TIMP2: variants seen among roughly 807,000 people sequenced by gnomAD.
TIMP2 encodes TIMP metallopeptidase inhibitor 2.
Under a neutral mutation model 24.3 loss-of-function variants are expected in TIMP2, and 5 were observed. That is an observed-to-expected ratio of 0.21 (90% confidence interval 0.11 to 0.43). TIMP2 has a LOEUF of 0.43. TIMP2 is among the 20% of genes least tolerant of loss of function. TIMP2 has a pLI of 1.00. For missense variants in TIMP2, 221 were observed against 297.5 expected (o/e 0.74, Z 1.89); for synonymous variants, 130 against 123.2 (o/e 1.06, Z -0.37).
Position 78,891,356 on chromosome 17 carries a change from T to C in TIMP2, c.131-17437A>G. ...TCTTGGGGTCCCAGCGCCACACTCT[T>C]GCATCTCTGAGAAGGCATGCCCTTC... On this transcript the variant is annotated intron_variant, in intron 1 of 4. Coordinates refer to ENST00000262768, the MANE Select transcript of TIMP2 (RefSeq NM_003255.5). This position sits in a 1 kb window ranked among gnomAD's most constrained non-coding sequence, Gnocchi z 4.5. 6.4e-7 allele frequency: 1 copy of C among 1,550,544 alleles called. No individual in the cohort carries two copies. Among genetic ancestry groups the C allele is most frequent in the Non-Finnish European group, 8.7e-7 (1 of 1,146,992 alleles).
At chr17:78,856,225 G>A in intron 4 of TIMP2, 1 of 275,216 alleles carries the variant, frequency 3.6e-6, no homozygotes, top group South Asian at 5.6e-5. Flanking sequence ...CCAGCCCAGT[G>A]TTGCTCGCAA....
intron 1 of TIMP2, among the ~76,000 whole-genome samples, chr17:78,917,908 G>A (rs965419302): frequency 5.9e-5 from 9 of 152,162 alleles, no homozygotes; most frequent in Admixed American, 1.3e-4. Context: ...GCTCAGCTCC[G>A]AGACTAGGCA....
intron 1 of TIMP2, among the ~76,000 whole-genome samples, chr17:78,923,910 C>A (rs570459697): frequency 1.3e-5 from 2 of 152,292 alleles, no homozygotes; most frequent in East Asian, 3.9e-4. Context: ...GGGCCCCCGC[C>A]TTGCTCCATC....
At chr17:78,919,443 G>A (rs933291042) in intron 1 of TIMP2, among the ~76,000 whole-genome samples, 2 of 152,140 alleles carry the variant, frequency 1.3e-5, no homozygotes, top group African/African-American at 4.8e-5. Context: ...CCCTGCTGCC[G>A]CTAAATGACC....
chr17:78,875,738 A>T (rs1023999358), intron 1 of TIMP2, among the ~76,000 whole-genome samples: 8 of 151,840 alleles, frequency 5.3e-5, no homozygotes, highest in African/African-American at 1.9e-4. Context: ...GCCCCACCCC[A>T]CGTGGTCGGC....
At chr17:78,889,123 T>C (rs2069854794) in intron 1 of TIMP2, among the ~76,000 whole-genome samples, 1 of 152,208 alleles carries the variant, frequency 6.6e-6, no homozygotes, top group Non-Finnish European at 1.5e-5. Flanking sequence ...GCAGCTGCAG[T>C]AGAGCTGGGT....
chr17:78,881,345 A>T (rs1567996557), intron 1 of TIMP2, among the ~76,000 whole-genome samples: 1 of 152,232 alleles, frequency 6.6e-6, no homozygotes, highest in Non-Finnish European at 1.5e-5. Context: ...TGTTCTCAAC[A>T]TGGGTCATTC....
At chr17:78,859,527 G>A (rs1223455780) in intron 3 of TIMP2, among the ~76,000 whole-genome samples, 1 of 152,046 alleles carries the variant, frequency 6.6e-6, no homozygotes, top group African/African-American at 2.4e-5. Flanking sequence ...GCCAGGCGTG[G>A]TGATGCATGC....
At chr17:78,892,044 C>G (rs535553743) in intron 1 of TIMP2, 66 of 1,550,824 alleles carry the variant, frequency 4.3e-5, no homozygotes, top group Admixed American at 9.8e-5. Context: ...TGGATGGGCC[C>G]CTGCGAGTCA....
chr17:78,857,739 G>T lies in TIMP2; in HGVS notation c.341-93C>A, dbSNP rs7216727. ...CCCGGCGCAGGGGCGCTGGGATTTCGTTGCAACAATCCTGTGCACTGTCTA... is the reference window on the plus strand; with the variant it reads ...CCCGGCGCAGGGGCGCTGGGATTTCTTTGCAACAATCCTGTGCACTGTCTA... On this transcript the variant is annotated intron_variant, in intron 3 of 4. Coordinates refer to ENST00000262768, the MANE Select transcript of TIMP2 (RefSeq NM_003255.5). 5 of 1,539,196 alleles carry T rather than the reference G, an allele frequency of 3.2e-6. No individual in the cohort carries two copies. In the African/African-American group the frequency reaches 5.5e-5, roughly 17 times the overall value.
rs2069533585 is a variant in TIMP2, at chr17:78,857,545, A to T, written c.442T>A (p.Tyr148Asn). 6 of 1,613,900 alleles carry T rather than the reference A, an allele frequency of 3.7e-6. No individual in the cohort carries two copies. Among genetic ancestry groups the T allele is most frequent in the Non-Finnish European group, 5.1e-6 (6 of 1,179,976 alleles). ...ACCTTGCACTCGCAGCCCATCTGGT[A>T]CCTGTGGTTCAGGCTCTTCTTCTGG... The part of the protein sequence containing the change: ...TTQKKSLNHR[Y>N]QMGCECKITR... Residue 148 changes from tyrosine (Y) to asparagine (N), a missense_variant, in exon 4 of 5, where the codon TAC (tyrosine) becomes AAC (asparagine). Physicochemically the swap from Tyr to Asn is moderately radical, Grantham distance 143 (BLOSUM62 -2). Transcript: ENST00000262768.
At position 78,920,364 on chromosome 17, in the gene TIMP2, G is replaced by A. The variant is rs145800333; in HGVS notation, c.130+4595C>T. Among the ~76,000 whole-genome samples the A allele has an allele frequency of 2.5e-3, 381 of 152,330 alleles. 1 individual carries two copies. Among genetic ancestry groups the A allele is most frequent in the Middle Eastern group, 0.01 (3 of 294 alleles). ...TACGTGGCTCTGCACCCCCAGAAGG[G>A]TGCAAATAGGGGAGGCCCGAGAGGC... On this transcript the variant is annotated intron_variant, in intron 1 of 4. Transcript: ENST00000262768. This position sits in a 1 kb window ranked among gnomAD's most constrained non-coding sequence, Gnocchi z 4.5.
At chr17:78,877,354 G>A (rs573821184) in intron 1 of TIMP2, among the ~76,000 whole-genome samples, 5 of 152,268 alleles carry the variant, frequency 3.3e-5, no homozygotes, top group South Asian at 4.1e-4. Context: ...CGAGGCGGGC[G>A]GATCACTTGA....
At chr17:78,890,065 G>A (rs879523498) in intron 1 of TIMP2, among the ~76,000 whole-genome samples, 2 of 152,050 alleles carry the variant, frequency 1.3e-5, no homozygotes, top group Non-Finnish European at 2.9e-5. Context: ...GTACTGAGTC[G>A]AGACTGCACC....
intron 1 of TIMP2, among the ~76,000 whole-genome samples, chr17:78,874,628 A>G (rs1199786965): frequency 6.6e-6 from 1 of 152,100 alleles, no homozygotes; most frequent in Non-Finnish European, 1.5e-5. Flanking sequence ...CCCAGGCTGG[A>G]GTGCAGTGGC....
chr17:78,871,055 T>A, intron 2 of TIMP2, 49 bp from the exon 3 acceptor site: 1 of 1,520,548 alleles, frequency 6.6e-7, no homozygotes, highest in Non-Finnish European at 9.1e-7. Context: ...GCCACACAGT[T>A]GGTGAATTCC....
rs2069895138 is a variant in TIMP2, at chr17:78,891,559, A to C, written c.131-17640T>G. 6.4e-7 allele frequency: 1 copy of C among 1,550,764 alleles called. No individual in the cohort carries two copies. Among genetic ancestry groups the C allele is most frequent in the Non-Finnish European group, 8.7e-7 (1 of 1,147,058 alleles). ...ACACGGCTTCCCTTCTGCAGCTGGA[A>C]TCAGCTGGCCACAGCTGCCCGAGGT... On this transcript the variant is annotated intron_variant, in intron 1 of 4. Transcript: ENST00000262768. The surrounding 1 kb of genome is among the most constrained non-coding windows in gnomAD (Gnocchi z 4.5).
intron 1 of TIMP2, among the ~76,000 whole-genome samples, chr17:78,881,860 C>T (rs369975472): frequency 6.6e-6 from 1 of 152,264 alleles, no homozygotes; most frequent in Admixed American, 6.5e-5. Flanking sequence ...CCCTTGCTAA[C>T]ATCTGTAACT....
At chr17:78,883,199 G>A (rs757506272) in intron 1 of TIMP2, among the ~76,000 whole-genome samples, 6 of 152,258 alleles carry the variant, frequency 3.9e-5, no homozygotes, top group Non-Finnish European at 7.3e-5. Context: ...CCTCAGCAGA[G>A]GGGGCACCAT....
Sources: gnomAD v4.1 joint callset for allele counts (sites outside exome capture counted in the v4.1 genomes callset) on GRCh38, gnomAD v4.1.1 for gene constraint, Gnocchi (gnomAD v3.1) non-coding constraint, MANE v1.5 for transcripts, NCBI Gene and HGNC (gene_info 2026-07-23, HGNC 2026-07-21) for gene names.